CATSPERB: variants seen among roughly 807,000 people sequenced by gnomAD.
CATSPERB encodes the protein cation channel sperm-associated auxiliary subunit beta.
A neutral mutation model predicts 128.3 loss-of-function variants in CATSPERB; 93 were observed. That is an observed-to-expected ratio of 0.72 (90% CI 0.61 to 0.86). CATSPERB has a LOEUF of 0.86. Among genes scored for constraint, CATSPERB ranks in the 40% least tolerant of loss-of-function variants. The probability of loss-of-function intolerance (pLI) is 0.00; values close to 1 mark genes in which losing one functional copy is unlikely to be tolerated. For missense variants in CATSPERB, 1,153 were observed against 1,329.5 expected, an observed-to-expected ratio of 0.87 and a Z score of 2.06; for synonymous variants, 381 against 448.8, an observed-to-expected ratio of 0.85 and a Z score of 1.91.
chr14:91,729,316 G>A, intron 2 of CATSPERB, 85 bp downstream of exon 2: 1 of 545,816 alleles, frequency 1.8e-6, no homozygotes, highest in East Asian at 3.3e-5. Context: ...AATACTAAAA[G>A]AAAAATTTTT....
chr14:91,616,560 G>A (rs1380101373), intron 20 of CATSPERB, among the ~76,000 whole-genome samples: 1 of 152,052 alleles, frequency 6.6e-6, no homozygotes, highest in East Asian at 1.9e-4. Context: ...GATGCTAGGA[G>A]TTTAGTAAGC....
chr14:91,653,697 A>G (rs1444885935), intron 15 of CATSPERB, among the ~76,000 whole-genome samples: 1 of 152,188 alleles, frequency 6.6e-6, no homozygotes, highest in Non-Finnish European at 1.5e-5. Flanking sequence ...ACCAGCCCCC[A>G]TGATTTGATT....
intron 10 of CATSPERB, among the ~76,000 whole-genome samples, chr14:91,691,095 A>G (rs1024988679): frequency 2.6e-5 from 4 of 152,220 alleles, no homozygotes; most frequent in African/African-American, 9.6e-5. Context: ...AAGTTAGAAA[A>G]GGTACCCCTT....
At chr14:91,680,169 C>T (rs1382760487) in intron 11 of CATSPERB, among the ~76,000 whole-genome samples, 1 of 152,182 alleles carries the variant, frequency 6.6e-6, no homozygotes, top group Non-Finnish European at 1.5e-5. Context: ...TGTTTAGCTA[C>T]CTGTGAGCTT....
At chr14:91,710,947 TAC>T (rs1895829766) in intron 5 of CATSPERB, among the ~76,000 whole-genome samples, 1 of 152,196 alleles carries the variant, frequency 6.6e-6, no homozygotes, top group East Asian at 1.9e-4. Context: ...GTTGAGTGTC[TAC>T]AGTCTCCACA....
intron 6 of CATSPERB, among the ~76,000 whole-genome samples, chr14:91,707,682 T>TCCTTAAA (rs1895757865): frequency 7.2e-6 from 1 of 139,836 alleles, no homozygotes; most frequent in African/African-American, 2.6e-5. Context: ...CACTGTAACC[T>TCCTTAAA]CTGCCTCCTG....
chr14:91,594,774 G>A (rs1478121625), intron 22 of CATSPERB, among the ~76,000 whole-genome samples: 1 of 152,100 alleles, frequency 6.6e-6, no homozygotes, highest in Non-Finnish European at 1.5e-5. Context: ...GAACAGTCCT[G>A]GAAAAATCAA....
Position 91,691,522 on chromosome 14 carries a change from C to A in CATSPERB, c.864+1G>T. 1 of 1,602,012 alleles carries A rather than the reference C, an allele frequency of 6.2e-7. No individual in the cohort carries two copies. The highest frequency in any genetic ancestry group is 8.5e-7 in the Non-Finnish European group (1 of 1,174,062). The stretch of plus-strand genomic sequence containing the variant: ...GCCCTGGGAAATATAAAGCTTCTTA[C>A]CCTTTCAAAACCACAAAAGTCTGCC... On this transcript the variant is annotated splice_donor_variant, in intron 10 of 26. Coordinates refer to ENST00000256343, the MANE Select transcript of CATSPERB (RefSeq NM_024764.4). LOFTEE classifies it high-confidence loss of function.
chr14:91,600,225 T>C (rs1893587109), intron 22 of CATSPERB, among the ~76,000 whole-genome samples: 1 of 152,216 alleles, frequency 6.6e-6, no homozygotes, highest in South Asian at 2.1e-4. Context: ...TTTGCATTCC[T>C]GCCAGCAATG....
At chr14:91,605,087 G>C in intron 22 of CATSPERB, 1 of 1,245,236 alleles carries the variant, frequency 8.0e-7, no homozygotes, top group Non-Finnish European at 1.2e-6. Context: ...CTCTGCAGAA[G>C]TGGGTTGTTT....
intron 20 of CATSPERB, among the ~76,000 whole-genome samples, chr14:91,614,032 G>T (rs1893887964): frequency 1.3e-5 from 2 of 152,142 alleles, no homozygotes; most frequent in Admixed American, 1.3e-4. Context: ...TGAGCAGCCA[G>T]CTCTGAGTGT....
intron 10 of CATSPERB, among the ~76,000 whole-genome samples, chr14:91,684,172 T>A (rs1317115431): frequency 6.6e-6 from 1 of 152,170 alleles, no homozygotes; most frequent in Non-Finnish European, 1.5e-5. Context: ...CACACATGAA[T>A]TAGCATATGT....
intron 19 of CATSPERB, among the ~76,000 whole-genome samples, chr14:91,620,931 C>A (rs1282840193): frequency 6.6e-6 from 1 of 152,112 alleles, no homozygotes; most frequent in African/African-American, 2.4e-5. Context: ...TCAACTGTAG[C>A]TGAAATAAAT....
At chr14:91,607,864 C>A (rs1404871422) in intron 22 of CATSPERB, among the ~76,000 whole-genome samples, 1 of 152,166 alleles carries the variant, frequency 6.6e-6, no homozygotes, top group Non-Finnish European at 1.5e-5. Flanking sequence ...CTCCCTCCCT[C>A]CACCTTTAGA....
At chr14:91,605,023 T>C in intron 22 of CATSPERB, 1 of 1,156,766 alleles carries the variant, frequency 8.6e-7, no homozygotes, top group African/African-American at 1.5e-5. Flanking sequence ...AGAACACAGT[T>C]CTGGTCTTCT....
rs528838100 is a variant in CATSPERB, at chr14:91,666,902, C to T, written c.1287+2912G>A. 5.9e-5 allele frequency among the ~76,000 whole-genome samples: 9 copies of T among 152,284 alleles called. No homozygotes were observed. In the East Asian group the frequency reaches 1.2e-3, roughly 20 times the overall value. Reference sequence around the variant, plus strand: ...AATTATAGTCCAGATTTATGCCGCCCGAGATGATCTCTTAGAAGTCCCCTT... The same window carrying T: ...AATTATAGTCCAGATTTATGCCGCCTGAGATGATCTCTTAGAAGTCCCCTT... On this transcript the variant is annotated intron_variant, in intron 14 of 26. Coordinates refer to ENST00000256343, the MANE Select transcript of CATSPERB (RefSeq NM_024764.4).
chr14:91,681,938 A>C (rs1360262444), intron 11 of CATSPERB, among the ~76,000 whole-genome samples: 3 of 152,248 alleles, frequency 2.0e-5, no homozygotes, highest in Admixed American at 6.5e-5. Context: ...AAAGAAAAAA[A>C]ACACACAGAT....
chr14:91,673,019 A>G lies in CATSPERB; in HGVS notation c.979-3T>C. 1 of 1,569,988 alleles carries G rather than the reference A, an allele frequency of 6.4e-7. No individual in the cohort carries two copies. Among genetic ancestry groups the G allele is most frequent in the South Asian group, 1.2e-5 (1 of 82,858 alleles). On this transcript the variant is annotated splice_polypyrimidine_tract_variant and splice_region_variant and intron_variant, in intron 12 of 26. Transcript: ENST00000256343. ...TGACTATAAAAACAAGAGCTTGACT[A>G]TAAAAAAAAGAAGGGAAAAATTAAT...
intron 15 of CATSPERB, 62 bp from the exon 16 acceptor site, chr14:91,639,312 A>G: frequency 1.4e-6 from 2 of 1,400,970 alleles, no homozygotes; most frequent in Middle Eastern, 1.9e-4. Flanking sequence ...AAACTTTAAT[A>G]TCATACCTTG....
Sources: allele counts gnomAD v4.1 joint callset (sites outside exome capture counted in the v4.1 genomes callset), GRCh38; gene constraint gnomAD v4.1.1; transcripts MANE v1.5; gene names NCBI Gene and HGNC (gene_info 2026-07-23, HGNC 2026-07-21).